CRX: variants seen among roughly 807,000 people sequenced by gnomAD.
The protein encoded by CRX is cone-rod homeobox, also known as cone-rod homeobox protein.
A neutral mutation model predicts 13.1 loss-of-function variants in CRX; 5 were observed. That is an observed-to-expected ratio of 0.38 (90% CI 0.20 to 0.80). The LOEUF is 0.80. Among genes scored for constraint, CRX ranks in the 30% least tolerant of loss-of-function variants. CRX has a pLI of 0.43. For synonymous variants in CRX, 179 were observed against 171.1 expected (o/e 1.05, Z -0.36); for missense variants, 351 against 391.8 (o/e 0.90, Z 0.88).
chr19:47,834,646 T>C (rs1202132976), intron 2 of CRX, 103 bp downstream of exon 2: 9 of 839,982 alleles, frequency 1.1e-5, no homozygotes, highest in Non-Finnish European at 1.8e-5. Context: ...AGGGGCGACT[T>C]CAGGGCCATA....
At chr19:47,833,425 G>T (rs1968079155) in intron 1 of CRX, among the ~76,000 whole-genome samples, 1 of 151,888 alleles carries the variant, frequency 6.6e-6, no homozygotes, top group Non-Finnish European at 1.5e-5. Flanking sequence ...GGGATTACAG[G>T]CACCCGCCAC....
chr19:47,835,008 T>C (rs1968099019), intron 2 of CRX, among the ~76,000 whole-genome samples: 1 of 150,550 alleles, frequency 6.6e-6, no homozygotes. Context: ...TTTAATTTTA[T>C]TTTTGAGACA....
At chr19:47,829,561 C>G (rs1968018620) in intron 1 of CRX, among the ~76,000 whole-genome samples, 1 of 151,826 alleles carries the variant, frequency 6.6e-6, no homozygotes, top group Admixed American at 6.6e-5. Context: ...GAACTCTTGA[C>G]CTCAGGTGAT....
At position 47,839,065 on chromosome 19, in the gene CRX, G is replaced by A. The variant is rs143846446; in HGVS notation, c.253-255G>A. On this transcript the variant is annotated intron_variant, in intron 3 of 3. Coordinates refer to ENST00000221996, the MANE Select transcript of CRX (RefSeq NM_000554.6). The surrounding 1 kb of genome is among the most constrained non-coding windows in gnomAD (Gnocchi z 4.6). The stretch of plus-strand genomic sequence containing the variant: ...ATGGTGTATGCATGTATAATTGTAC[G>A]TGTGCATGTTTGCATTAGACGGATG... 7.8e-3 allele frequency among the ~76,000 whole-genome samples: 1,190 copies of A among 152,194 alleles called. 13 individuals are homozygous for A. The highest frequency in any genetic ancestry group is 0.012 in the Non-Finnish European group (792 of 67,982).
Position 47,832,104 on chromosome 19 carries a change from TG to T in CRX, c.-35-2304del, listed in dbSNP as rs1422772979. 6.8e-5 allele frequency among the ~76,000 whole-genome samples: 8 copies of T among 117,174 alleles called. 1 individual carries two copies. Among genetic ancestry groups the T allele is most frequent in the East Asian group, 2.0e-4 (1 of 5,000 alleles). 76.9% of individuals were successfully genotyped at this position (117,174 alleles called of 152,430 possible). A position where few individuals can be genotyped will look rare whatever the true frequency, so the allele number is the denominator to read the frequency against. ...AAAATCAGTTCAGAGAGCAGCCTTATGTTTTTTTTTTTTTTTTTTGAGACGG... is the reference window on the plus strand; with the variant it reads ...AAAATCAGTTCAGAGAGCAGCCTTATTTTTTTTTTTTTTTTTTTGAGACGG... On this transcript the variant is annotated intron_variant, in intron 1 of 3. Coordinates refer to ENST00000221996, the MANE Select transcript of CRX (RefSeq NM_000554.6).
Position 47,839,290 on chromosome 19 carries a change from C to T in CRX, c.253-30C>T, listed in dbSNP as rs1186860582. On this transcript the variant is annotated intron_variant, in intron 3 of 3. Coordinates refer to ENST00000221996, the MANE Select transcript of CRX (RefSeq NM_000554.6). This position sits in a 1 kb window ranked among gnomAD's most constrained non-coding sequence, Gnocchi z 4.6. Reference sequence around the variant, plus strand: ...CTCTCCTGGGCCTCTTCCCCACTTACCCACCCCCATCTCCGCTCTTATCCC... The same window carrying T: ...CTCTCCTGGGCCTCTTCCCCACTTATCCACCCCCATCTCCGCTCTTATCCC... 32 of 1,605,248 alleles carry T rather than the reference C, an allele frequency of 2.0e-5. No individual in the cohort carries two copies. Among genetic ancestry groups the T allele is most frequent in the Non-Finnish European group, 1.9e-5 (22 of 1,176,378 alleles).
At chr19:47,836,837 G>A (rs1264302895) in intron 3 of CRX, among the ~76,000 whole-genome samples, 3 of 152,094 alleles carry the variant, frequency 2.0e-5, no homozygotes, top group Admixed American at 6.6e-5. Context: ...TTCCACTGAC[G>A]GACACTCAGA....
At chr19:47,832,105 G>GCTTTTTTTTT (rs1422293685) in intron 1 of CRX, among the ~76,000 whole-genome samples, 1 of 91,988 alleles carries the variant, frequency 1.1e-5, no homozygotes, top group Admixed American at 1.3e-4. Context: ...GCAGCCTTAT[G>GCTTTTTTTTT]TTTTTTTTTT....
chr19:47,825,903 C>CA (rs11414257), intron 1 of CRX, among the ~76,000 whole-genome samples: 5,269 of 152,302 alleles, frequency 0.035, 319 homozygotes, highest in African/African-American at 0.12. Context: ...GCATGGGTGA[C>CA]AGAGACTCCG....
chr19:47,836,406 G>C lies in CRX; in HGVS notation c.252+12G>C. The stretch of plus-strand genomic sequence containing the variant: ...AGTCCAGGGTTCAGGTGGGGTGGTG[G>C]GTCCCTGGACCCCTCCCGACACTTC... On this transcript the variant is annotated intron_variant, in intron 3 of 3. Coordinates refer to ENST00000221996, the MANE Select transcript of CRX (RefSeq NM_000554.6). The C allele has an allele frequency of 6.2e-7, 1 of 1,614,182 alleles. No homozygotes were observed. The highest frequency in any genetic ancestry group is 8.5e-7 in the Non-Finnish European group (1 of 1,180,026).
intron 3 of CRX, 39 bp downstream of exon 3, chr19:47,836,433 T>C (rs530642693): frequency 6.2e-7 from 1 of 1,613,924 alleles, no homozygotes; most frequent in Non-Finnish European, 8.5e-7. Context: ...CGACACTTCC[T>C]GTGATCTCAG....
chr19:47,839,069 G>T lies in CRX; in HGVS notation c.253-251G>T, dbSNP rs968733436. Among the ~76,000 whole-genome samples, 1 of 152,108 alleles carries T rather than the reference G, an allele frequency of 6.6e-6. No individual in the cohort carries two copies. The highest frequency in any genetic ancestry group is 6.5e-5 in the Admixed American group (1 of 15,278). On this transcript the variant is annotated intron_variant, in intron 3 of 3. Coordinates refer to ENST00000221996, the MANE Select transcript of CRX (RefSeq NM_000554.6). The surrounding 1 kb of genome is among the most constrained non-coding windows in gnomAD (Gnocchi z 4.6). ...TGTATGCATGTATAATTGTACGTGT[G>T]CATGTTTGCATTAGACGGATGGGAT...
chr19:47,827,536 G>GTTTTT (rs1359871608), intron 1 of CRX, among the ~76,000 whole-genome samples: 4 of 108,840 alleles, frequency 3.7e-5, no homozygotes, highest in Admixed American at 2.0e-4. Context: ...CTTTCTGAAG[G>GTTTTT]CTTTTTTTTT....
At chr19:47,835,196 G>A (rs950787236) in intron 2 of CRX, among the ~76,000 whole-genome samples, 3 of 150,760 alleles carry the variant, frequency 2.0e-5, no homozygotes, top group Non-Finnish European at 4.4e-5. Flanking sequence ...GCAGGATCTG[G>A]ATTATACAAA....
chr19:47,837,419 G>T (rs1222441334), intron 3 of CRX, among the ~76,000 whole-genome samples: 3 of 152,058 alleles, frequency 2.0e-5, no homozygotes, highest in African/African-American at 7.2e-5. Context: ...CTACTGCCTC[G>T]GCCTTCCAGA....
intron 1 of CRX, among the ~76,000 whole-genome samples, chr19:47,831,834 C>T (rs1968050203): frequency 2.0e-5 from 3 of 152,046 alleles, no homozygotes; most frequent in Admixed American, 2.0e-4. Flanking sequence ...CCTCTGCCTC[C>T]CGGGCTCAAG....
At chr19:47,829,097 T>G (rs900533064) in intron 1 of CRX, among the ~76,000 whole-genome samples, 8 of 152,132 alleles carry the variant, frequency 5.3e-5, no homozygotes, top group African/African-American at 1.9e-4. Flanking sequence ...TGCCTCATTT[T>G]GTTTATTAAT....
chr19:47,835,478 A>T (rs1968106112), intron 2 of CRX, among the ~76,000 whole-genome samples: 1 of 149,234 alleles, frequency 6.7e-6, no homozygotes. Flanking sequence ...TTTGCCTCCC[A>T]GGTTCAAGTG....
At chr19:47,829,695 T>C (rs751108518) in intron 1 of CRX, among the ~76,000 whole-genome samples, 1 of 151,962 alleles carries the variant, frequency 6.6e-6, no homozygotes, top group Non-Finnish European at 1.5e-5. Context: ...GGTGGCATGC[T>C]CATAGCTCAC....
Sources: allele counts gnomAD v4.1 joint callset (sites outside exome capture counted in the v4.1 genomes callset), GRCh38; gene constraint gnomAD v4.1.1; non-coding constraint Gnocchi (gnomAD v3.1); transcripts MANE v1.5; gene names NCBI Gene and HGNC (gene_info 2026-07-23, HGNC 2026-07-21).